Variants in ATOSA observed in about 807,000 individuals in gnomAD.
ATOSA encodes atos homolog A, also known as atos homolog protein A.
chr15:52,593,248 T>C, the ATOSA span, among the ~76,000 whole-genome samples: 31 of 152,174 alleles, frequency 2.0e-4, 1 homozygote, highest in East Asian at 5.4e-3. Context: ...CACCAAAGCC[T>C]TGTAGGACTA....
chr15:52,647,891 C>T, the ATOSA span, among the ~76,000 whole-genome samples: 1 of 152,142 alleles, frequency 6.6e-6, no homozygotes, highest in Non-Finnish European at 1.5e-5. Context: ...TGACTATTAT[C>T]TTTCTTCAGA....
chr15:52,688,825 G>A, the ATOSA span, among the ~76,000 whole-genome samples: 8 of 152,192 alleles, frequency 5.3e-5, no homozygotes, highest in Non-Finnish European at 1.0e-4. Flanking sequence ...TGGAAAAGTC[G>A]AATAAGACAA....
At chr15:52,584,913 T>C in the ATOSA span, 1 of 1,612,528 alleles carries the variant, frequency 6.2e-7, no homozygotes, top group Admixed American at 1.7e-5. Flanking sequence ...AACAAACATC[T>C]TCACCACAGT....
chr15:52,709,035 A>G, the ATOSA span, among the ~76,000 whole-genome samples: 1 of 152,188 alleles, frequency 6.6e-6, no homozygotes, highest in Non-Finnish European at 1.5e-5. Flanking sequence ...CATGGAGAGT[A>G]TGGGAGAGTA....
chr15:52,651,514 C>T, the ATOSA span, among the ~76,000 whole-genome samples: 1 of 152,048 alleles, frequency 6.6e-6, no homozygotes, highest in African/African-American at 2.4e-5. Flanking sequence ...TAAAAAATAC[C>T]TCCTGCCCCC....
At chr15:52,695,150 C>A in the ATOSA span, among the ~76,000 whole-genome samples, 6 of 152,074 alleles carry the variant, frequency 3.9e-5, no homozygotes, top group Non-Finnish European at 7.4e-5. Flanking sequence ...GTCTTGAACT[C>A]CTGGTCTCAA....
the ATOSA span, chr15:52,658,801 CAAAAAAAAAAAAAAAA>C: frequency 3.8e-6 from 1 of 262,398 alleles, no homozygotes; most frequent in Non-Finnish European, 6.0e-6. Flanking sequence ...CTCGTTTCTA[CAAAAAAAAAAAAAAAA>C]AAAAAAAAAA....
chr15:52,627,108 T>A, the ATOSA span, among the ~76,000 whole-genome samples: 1 of 152,172 alleles, frequency 6.6e-6, no homozygotes, highest in African/African-American at 2.4e-5. Flanking sequence ...TTTCTCAATG[T>A]CAGCCATATT....
chr15:52,612,693 T>A, the ATOSA span, among the ~76,000 whole-genome samples: 4 of 151,542 alleles, frequency 2.6e-5, no homozygotes, highest in Non-Finnish European at 4.4e-5. Flanking sequence ...TTAGTAGAGA[T>A]GAGGTTTCAC....
the ATOSA span, among the ~76,000 whole-genome samples, chr15:52,589,864 T>C: frequency 1.3e-5 from 2 of 152,050 alleles, no homozygotes; most frequent in South Asian, 2.1e-4. Flanking sequence ...CTTGGCTCAG[T>C]GCAACCTCTG....
At chr15:52,581,621 A>G in the ATOSA span, 1 of 152,698 alleles carries the variant, frequency 6.5e-6, no homozygotes, top group African/African-American at 2.4e-5. Context: ...ATAAAAACTA[A>G]ACATGAGAGA....
At chr15:52,602,813 T>C in the ATOSA span, among the ~76,000 whole-genome samples, 1 of 152,234 alleles carries the variant, frequency 6.6e-6, no homozygotes, top group Non-Finnish European at 1.5e-5. Flanking sequence ...GATAAGATTG[T>C]TACAGACTTG....
chr15:52,702,745 C>T, the ATOSA span, among the ~76,000 whole-genome samples: 1 of 147,782 alleles, frequency 6.8e-6, no homozygotes, highest in Non-Finnish European at 1.5e-5. Flanking sequence ...TACATGTATC[C>T]CCTGAGTCTA....
chr15:52,623,069 G>C, the ATOSA span, among the ~76,000 whole-genome samples: 1 of 151,980 alleles, frequency 6.6e-6, no homozygotes, highest in African/African-American at 2.4e-5. Flanking sequence ...TGAGGCAGCA[G>C]GACTGCTTGA....
At chr15:52,697,438 C>T in the ATOSA span, among the ~76,000 whole-genome samples, 1 of 152,156 alleles carries the variant, frequency 6.6e-6, no homozygotes, top group Non-Finnish European at 1.5e-5. Context: ...TCTTACATAT[C>T]TTGGAATCCT....
the ATOSA span, among the ~76,000 whole-genome samples, chr15:52,704,922 C>T: frequency 1.3e-5 from 2 of 152,258 alleles, no homozygotes; most frequent in Admixed American, 6.5e-5. Flanking sequence ...TAAATTAATT[C>T]AACCATTGTG....
At chr15:52,706,373 T>C in the ATOSA span, among the ~76,000 whole-genome samples, 1 of 152,204 alleles carries the variant, frequency 6.6e-6, no homozygotes, top group Non-Finnish European at 1.5e-5. Context: ...ACAAATCTTT[T>C]ACTCTGGTTA....
At chr15:52,609,635 T>G in the ATOSA span, 1 of 1,613,208 alleles carries the variant, frequency 6.2e-7, no homozygotes, top group Non-Finnish European at 8.5e-7. Flanking sequence ...CCAAAAGTCA[T>G]GGAGAAAGCT....
At chr15:52,625,396 C>T in the ATOSA span, among the ~76,000 whole-genome samples, 5 of 152,072 alleles carry the variant, frequency 3.3e-5, no homozygotes, top group Non-Finnish European at 7.4e-5. Context: ...ATTAGTTATA[C>T]ATAAATATTC....
Sources: gnomAD v4.1 joint callset for allele counts (sites outside exome capture counted in the v4.1 genomes callset) on GRCh38, gnomAD v4.1.1 for gene constraint, MANE v1.5 for transcripts, NCBI Gene and HGNC (gene_info 2026-07-23, HGNC 2026-07-21) for gene names.